DNAH8: variants seen among roughly 807,000 people sequenced by gnomAD.
DNAH8 encodes axonemal beta dynein heavy chain 8.
Under a neutral mutation model 562.1 loss-of-function variants are expected in DNAH8, and 382 were observed. That is an observed-to-expected ratio of 0.68 (90% CI 0.63 to 0.74). The LOEUF (loss-of-function observed/expected upper bound fraction) is 0.74. Ranked by LOEUF, DNAH8 falls within the 30% of genes least tolerant of loss-of-function variation. The probability of loss-of-function intolerance (pLI) is 0.00; values close to 1 mark genes in which losing one functional copy is unlikely to be tolerated. For missense variants in DNAH8, 5,203 were observed against 5,620.4 expected, an observed-to-expected ratio of 0.93 and a Z score of 2.37; for synonymous variants, 1,881 against 1,919.4, an observed-to-expected ratio of 0.98 and a Z score of 0.52.
intron 30 of DNAH8, among the ~76,000 whole-genome samples, chr6:38,830,035 C>T (rs1160999373): frequency 2.0e-5 from 3 of 152,174 alleles, no homozygotes; most frequent in East Asian, 1.9e-4. Context: ...TGCATCTTCT[C>T]TCCTTTATTC....
intron 62 of DNAH8, among the ~76,000 whole-genome samples, chr6:38,905,109 G>A (rs912083375): frequency 1.3e-5 from 2 of 152,100 alleles, no homozygotes; most frequent in African/African-American, 2.4e-5. Flanking sequence ...GTCAGTGAGA[G>A]GATTACTCTG....
intron 62 of DNAH8, among the ~76,000 whole-genome samples, chr6:38,901,851 T>C (rs1043651009): frequency 6.6e-6 from 1 of 152,246 alleles, no homozygotes; most frequent in African/African-American, 2.4e-5. Flanking sequence ...ATTAAATTAG[T>C]TGTCAGCATT....
intron 17 of DNAH8, among the ~76,000 whole-genome samples, chr6:38,784,832 A>C (rs1393712849): frequency 6.6e-6 from 1 of 152,236 alleles, no homozygotes; most frequent in Non-Finnish European, 1.5e-5. Context: ...CTGGCTTCCA[A>C]ATCCGTTCTC....
intron 81 of DNAH8, among the ~76,000 whole-genome samples, chr6:38,951,033 G>A (rs1030811335): frequency 3.9e-5 from 6 of 152,188 alleles, no homozygotes; most frequent in Admixed American, 1.3e-4. Flanking sequence ...GAGCTTCAGA[G>A]TGTGTGGCAG....
At chr6:38,841,109 G>A (rs1291175638) in intron 33 of DNAH8, among the ~76,000 whole-genome samples, 5 of 152,040 alleles carry the variant, frequency 3.3e-5, no homozygotes, top group Admixed American at 1.3e-4. Context: ...AATCTACTAC[G>A]CCTACATGGT....
chr6:38,880,549 A>C (rs1426224883), intron 53 of DNAH8, among the ~76,000 whole-genome samples: 1 of 151,980 alleles, frequency 6.6e-6, no homozygotes, highest in Non-Finnish European at 1.5e-5. Context: ...ATATCTGATA[A>C]AAAAAATTTA....
intron 79 of DNAH8, among the ~76,000 whole-genome samples, chr6:38,944,203 C>G (rs1290593817): frequency 6.6e-6 from 1 of 152,192 alleles, no homozygotes; most frequent in Non-Finnish European, 1.5e-5. Flanking sequence ...ATTAGCAATA[C>G]TGTTGCTCCA....
chr6:38,882,638 A>G (rs1778585280), intron 53 of DNAH8, among the ~76,000 whole-genome samples: 1 of 152,180 alleles, frequency 6.6e-6, no homozygotes, highest in South Asian at 2.1e-4. Flanking sequence ...TGATGAAATA[A>G]TCTGTACGAC....
At chr6:39,014,372 A>G (rs1766428393) in intron 91 of DNAH8, among the ~76,000 whole-genome samples, 1 of 152,172 alleles carries the variant, frequency 6.6e-6, no homozygotes, top group South Asian at 2.1e-4. Flanking sequence ...AGTCGTCACC[A>G]GGTAATTTCT....
chr6:38,955,180 C>T lies in DNAH8; in HGVS notation c.12451+3660C>T, dbSNP rs1762162567. Among the ~76,000 whole-genome samples the T allele has an allele frequency of 3.3e-5, 5 of 152,170 alleles. No homozygotes were observed. The South Asian group carries it at 1.0e-3, about 32-fold the overall frequency. ...GTAGAGATGAGGTCTCATTATGTTT[C>T]CCAGGCTGGTCTTGAACTCCTGAGC... On this transcript the variant is annotated intron_variant, in intron 82 of 92. Transcript: ENST00000327475.
chr6:38,909,506 T>A lies in DNAH8; in HGVS notation c.9514-12T>A. 1 of 1,613,560 alleles carries A rather than the reference T, an allele frequency of 6.2e-7. No individual in the cohort carries two copies. The highest frequency in any genetic ancestry group is 1.1e-5 in the South Asian group (1 of 91,066). Reference sequence around the variant, plus strand: ...CTGTGTTTCTAATGTTTGTTGACTTTGCTATCAATAGGTTGGTGAGAAGTT... The same window carrying A: ...CTGTGTTTCTAATGTTTGTTGACTTAGCTATCAATAGGTTGGTGAGAAGTT... On this transcript the variant is annotated splice_polypyrimidine_tract_variant and intron_variant, in intron 64 of 92. Coordinates refer to ENST00000327475, the MANE Select transcript of DNAH8 (RefSeq NM_001206927.2).
chr6:38,743,175 G>A (rs1363540770), intron 8 of DNAH8, among the ~76,000 whole-genome samples: 1 of 151,694 alleles, frequency 6.6e-6, no homozygotes, highest in Non-Finnish European at 1.5e-5. Flanking sequence ...ATGCCACCAT[G>A]CCCGACTAAT....
chr6:38,807,175 A>G (rs1771355683), intron 23 of DNAH8, among the ~76,000 whole-genome samples: 1 of 152,220 alleles, frequency 6.6e-6, no homozygotes, highest in Non-Finnish European at 1.5e-5. Context: ...ATATTTGAGT[A>G]TTGCACATTT....
intron 10 of DNAH8, among the ~76,000 whole-genome samples, chr6:38,758,014 CT>C (rs1395753225): frequency 6.6e-6 from 1 of 152,014 alleles, no homozygotes; most frequent in African/African-American, 2.4e-5. Flanking sequence ...TGCCAGGGCT[CT>C]TTTTTGGTGC....
rs370233619 is a variant in DNAH8, at chr6:38,852,450, A to G, written c.5467-244A>G. Among the ~76,000 whole-genome samples, 75 of 152,202 alleles carry G rather than the reference A, an allele frequency of 4.9e-4. 1 individual carries two copies. The South Asian group carries it at 0.015, about 31-fold the overall frequency. On this transcript the variant is annotated intron_variant, in intron 39 of 92. Transcript: ENST00000327475. ...CATCTGGTGGAAGGTGACAGTCCTT[A>G]GTCTAATCTGCATAGCATGGGAGGG...
chr6:38,949,588 C>G lies in DNAH8; in HGVS notation c.12248+18C>G, dbSNP rs373944828. The stretch of plus-strand genomic sequence containing the variant: ...CTTATCAGGTGAGAACAGGCATTAT[C>G]AGACCTAGAAGCATCACTCATAATA... On this transcript the variant is annotated intron_variant, in intron 81 of 92. Transcript: ENST00000327475. The G allele has an allele frequency of 1.4e-5, 19 of 1,380,526 alleles. No homozygotes were observed. Among genetic ancestry groups the G allele is most frequent in the Admixed American group, 1.2e-4 (7 of 59,360 alleles). 85.5% of individuals were successfully genotyped at this position (1,380,526 alleles called of 1,614,324 possible).
intron 32 of DNAH8, among the ~76,000 whole-genome samples, chr6:38,837,306 A>T (rs1381345128): frequency 6.6e-6 from 1 of 152,290 alleles, no homozygotes; most frequent in Non-Finnish European, 1.5e-5. Flanking sequence ...ATGCTGTACC[A>T]CTTACACAGA....
At chr6:39,016,474 C>G (rs1475101730) in intron 91 of DNAH8, among the ~76,000 whole-genome samples, 1 of 151,188 alleles carries the variant, frequency 6.6e-6, no homozygotes, top group Non-Finnish European at 1.5e-5. Context: ...TGGCGTGAAC[C>G]TAGGAGGCGG....
chr6:38,879,306 CAAAA>C (rs1029294971), intron 53 of DNAH8, among the ~76,000 whole-genome samples: 4 of 112,180 alleles, frequency 3.6e-5, no homozygotes, highest in Non-Finnish European at 7.7e-5. Flanking sequence ...AAAACAAAAA[CAAAA>C]AAAACTATAG....
Sources: gnomAD v4.1 joint callset for allele counts (sites outside exome capture counted in the v4.1 genomes callset) on GRCh38, gnomAD v4.1.1 for gene constraint, MANE v1.5 for transcripts, NCBI Gene and HGNC (gene_info 2026-07-23, HGNC 2026-07-21) for gene names.